KIF13A: variants seen among roughly 807,000 people sequenced by gnomAD.
KIF13A encodes kinesin family member 13A, also known as kinesin-like protein KIF13A.
KIF13A carries 79 observed loss-of-function variants against 212.2 expected under a neutral mutation model. The ratio of observed to expected loss-of-function variants is 0.37; its 90% confidence interval spans 0.31 to 0.45. The LOEUF is 0.45. KIF13A is among the 20% of genes least tolerant of loss of function. The probability of loss-of-function intolerance (pLI) is 1.00; values close to 1 mark genes in which losing one functional copy is unlikely to be tolerated. For missense variants in KIF13A, 1,901 were observed against 2,209.0 expected (o/e 0.86, Z 2.79); for synonymous variants, 789 against 808.6 (o/e 0.98, Z 0.41).
intron 2 of KIF13A, among the ~76,000 whole-genome samples, chr6:17,954,752 T>C (rs986900191): frequency 2.6e-5 from 4 of 152,158 alleles, no homozygotes; most frequent in African/African-American, 9.7e-5. Flanking sequence ...TAGCTCACTG[T>C]AGCCTCAAAC....
Position 17,825,761 on chromosome 6 carries a change from G to T in KIF13A, c.1786+7C>A. ...CAAGGCGCTGGAACACAGAGTGAGG[G>T]TCTTACCATTACTATTCAGGGTTTT... On this transcript the variant is annotated splice_region_variant and intron_variant, in intron 16 of 38. Coordinates refer to ENST00000259711, the MANE Select transcript of KIF13A (RefSeq NM_022113.6). The surrounding 1 kb of genome is among the most constrained non-coding windows in gnomAD (Gnocchi z 4.5). 6.2e-7 allele frequency: 1 copy of T among 1,612,486 alleles called. No individual in the cohort carries two copies. The highest frequency in any genetic ancestry group is 8.5e-7 in the Non-Finnish European group (1 of 1,179,220).
intron 9 of KIF13A, among the ~76,000 whole-genome samples, chr6:17,841,509 C>T (rs559526315): frequency 1.4e-4 from 21 of 152,226 alleles, no homozygotes; most frequent in South Asian, 4.1e-4. Flanking sequence ...GGCAAACAGA[C>T]GAAAAATATT....
intron 3 of KIF13A, among the ~76,000 whole-genome samples, chr6:17,889,902 T>C (rs992648206): frequency 6.6e-6 from 1 of 152,172 alleles, no homozygotes; most frequent in African/African-American, 2.4e-5. Flanking sequence ...TCTAGCACTT[T>C]GGGAGGCCGA....
intron 2 of KIF13A, among the ~76,000 whole-genome samples, chr6:17,979,825 G>C (rs1256978257): frequency 6.6e-6 from 1 of 150,868 alleles, no homozygotes; most frequent in East Asian, 1.9e-4. Context: ...TGTGATAGCA[G>C]AAACAAAAAA....
Position 17,794,788 on chromosome 6 carries a change from A to G in KIF13A, c.2943-84T>C. The G allele has an allele frequency of 7.1e-7, 1 of 1,411,184 alleles. No homozygotes were observed. Among genetic ancestry groups the G allele is most frequent in the Non-Finnish European group, 9.6e-7 (1 of 1,038,928 alleles). 87.4% of individuals were successfully genotyped at this position (1,411,184 alleles called of 1,614,324 possible). On this transcript the variant is annotated intron_variant, in intron 23 of 38. Coordinates refer to ENST00000259711, the MANE Select transcript of KIF13A (RefSeq NM_022113.6). The surrounding 1 kb of genome is among the most constrained non-coding windows in gnomAD (Gnocchi z 4.1). ...AGTAATAAGCCACCATTCACTGAGC[A>G]CTTACTATGTGCTAGGCACTGTGCC...
chr6:17,811,790 ATC>A lies in KIF13A; in HGVS notation c.2001-2862_2001-2861del, dbSNP rs1258260431. On this transcript the variant is annotated intron_variant, in intron 17 of 38. Transcript: ENST00000259711. This position sits in a 1 kb window ranked among gnomAD's most constrained non-coding sequence, Gnocchi z 6.0. ...TTGAATGACATTCCCAAAATATCTCATCTTTTTTTTTCTTCCTTCCTTCCTTC... is the reference window on the plus strand; with the variant it reads ...TTGAATGACATTCCCAAAATATCTCATTTTTTTTTCTTCCTTCCTTCCTTC... 6.6e-6 allele frequency among the ~76,000 whole-genome samples: 1 copy of A among 151,896 alleles called. No homozygotes were observed. The highest frequency in any genetic ancestry group is 1.5e-5 in the Non-Finnish European group (1 of 67,950).
intron 38 of KIF13A, among the ~76,000 whole-genome samples, chr6:17,765,254 C>T (rs189745983): frequency 2.0e-5 from 3 of 152,210 alleles, no homozygotes; most frequent in Non-Finnish European, 2.9e-5. Context: ...AACTGAAGTG[C>T]AGTGGACATT....
Position 17,816,225 on chromosome 6 carries a change from G to A in KIF13A, c.2000+795C>T, listed in dbSNP as rs1234285540. ...GAGCCACCGCACCTGGCCTGAGTCA[G>A]GTCAGGTTCTTCCTGTCACCCAGGC... On this transcript the variant is annotated intron_variant, in intron 17 of 38. Coordinates refer to ENST00000259711, the MANE Select transcript of KIF13A (RefSeq NM_022113.6). This position sits in a 1 kb window ranked among gnomAD's most constrained non-coding sequence, Gnocchi z 4.3. Among the ~76,000 whole-genome samples the A allele has an allele frequency of 2.0e-5, 3 of 148,152 alleles. No individual in the cohort carries two copies. Among genetic ancestry groups the A allele is most frequent in the Admixed American group, 2.0e-4 (3 of 14,922 alleles).
At chr6:17,977,981 G>A (rs959535684) in intron 2 of KIF13A, among the ~76,000 whole-genome samples, 2 of 152,186 alleles carry the variant, frequency 1.3e-5, no homozygotes, top group Non-Finnish European at 2.9e-5. Context: ...ATACGATTGC[G>A]CTTTGACATG....
At chr6:17,767,272 G>A (rs77606757) in intron 38 of KIF13A, among the ~76,000 whole-genome samples, 1 of 82,796 alleles carries the variant, frequency 1.2e-5, no homozygotes, top group East Asian at 3.8e-4. Flanking sequence ...TTTTTTTTTT[G>A]AGACGAAGTC....
intron 3 of KIF13A, among the ~76,000 whole-genome samples, chr6:17,889,030 G>T (rs1482817741): frequency 6.6e-6 from 1 of 152,088 alleles, no homozygotes; most frequent in Non-Finnish European, 1.5e-5. Flanking sequence ...CTACTGTACT[G>T]AATAGTACAG....
intron 38 of KIF13A, among the ~76,000 whole-genome samples, chr6:17,767,474 C>T (rs1421332633): frequency 1.3e-5 from 2 of 152,052 alleles, no homozygotes; most frequent in South Asian, 2.1e-4. Flanking sequence ...AGGCTGGTCT[C>T]GAACTCCTGA....
chr6:17,767,416 G>A (rs1446443296), intron 38 of KIF13A, among the ~76,000 whole-genome samples: 1 of 152,010 alleles, frequency 6.6e-6, no homozygotes, highest in Non-Finnish European at 1.5e-5. Flanking sequence ...CACCATGCCC[G>A]GCTAATTTTT....
rs1766129906 is a variant in KIF13A, at chr6:17,837,938, G to C, written c.831-355C>G. 6.6e-6 allele frequency among the ~76,000 whole-genome samples: 1 copy of C among 151,834 alleles called. No homozygotes were observed. Among genetic ancestry groups the C allele is most frequent in the Admixed American group, 6.6e-5 (1 of 15,240 alleles). ...ACTGCACTGCAGCCTGGGCGACAGA[G>C]TGAGACTCTTTCAAAAAAACAAAAA... On this transcript the variant is annotated intron_variant, in intron 9 of 38. Transcript: ENST00000259711. The surrounding 1 kb of genome is among the most constrained non-coding windows in gnomAD (Gnocchi z 5.4).
At chr6:17,788,184 C>T (rs1328073952) in intron 26 of KIF13A, among the ~76,000 whole-genome samples, 5 of 151,984 alleles carry the variant, frequency 3.3e-5, no homozygotes, top group South Asian at 2.1e-4. Flanking sequence ...ATATTTAAAT[C>T]GTAGCTATTC....
Position 17,926,741 on chromosome 6 carries a change from G to A in KIF13A, c.147-28561C>T, listed in dbSNP as rs1343358698. Among the ~76,000 whole-genome samples, 1 of 152,056 alleles carries A rather than the reference G, an allele frequency of 6.6e-6. No homozygotes were observed. Among genetic ancestry groups the A allele is most frequent in the Non-Finnish European group, 1.5e-5 (1 of 68,024 alleles). ...AGTGGAGAATGTTTAAGTATATTAG[G>A]ATATATTCAGATGATAAACAACTTG... is the stretch of plus-strand genomic sequence containing the variant. On this transcript the variant is annotated intron_variant, in intron 2 of 38. Transcript: ENST00000259711. The surrounding 1 kb of genome is among the most constrained non-coding windows in gnomAD (Gnocchi z 4.3).
In KIF13A at chr6:17,925,210, T is replaced by G. The variant is rs1775397075; in HGVS notation, c.147-27030A>C. Among the ~76,000 whole-genome samples the G allele has an allele frequency of 2.0e-5, 3 of 152,228 alleles. No individual in the cohort carries two copies. In the South Asian group the frequency reaches 6.2e-4, roughly 31 times the overall value. Reference sequence around the variant, plus strand: ...GAGACGAAGATGTTAGGAAATAGTCTTCTTTGGGATGTATTCTGAAGTTAG... The same window carrying G: ...GAGACGAAGATGTTAGGAAATAGTCGTCTTTGGGATGTATTCTGAAGTTAG... On this transcript the variant is annotated intron_variant, in intron 2 of 38. Transcript: ENST00000259711.
At chr6:17,807,802 G>T (rs1199896800) in intron 18 of KIF13A, among the ~76,000 whole-genome samples, 1 of 152,086 alleles carries the variant, frequency 6.6e-6, no homozygotes. Flanking sequence ...TGTCACCCCC[G>T]GCGGCCCAGC....
At position 17,951,151 on chromosome 6, in the gene KIF13A, A is replaced by C; in HGVS notation, c.146+35903T>G. The C allele has an allele frequency of 8.1e-7, 1 of 1,228,590 alleles. No individual in the cohort carries two copies. The highest frequency in any genetic ancestry group is 1.0e-6 in the Non-Finnish European group (1 of 984,760). The allele number at this position is 1,228,590 out of a possible 1,614,324, so 76.1% of individuals were successfully genotyped here. On this transcript the variant is annotated intron_variant, in intron 2 of 38. Transcript: ENST00000259711. This position sits in a 1 kb window ranked among gnomAD's most constrained non-coding sequence, Gnocchi z 4.9. ...GGTCTGATGCAATTCACCTCACGCC[A>C]CTTTAATTTTTTATTTTTTTGAAGA...
Sources: allele counts gnomAD v4.1 joint callset (sites outside exome capture counted in the v4.1 genomes callset), GRCh38; gene constraint gnomAD v4.1.1; non-coding constraint Gnocchi (gnomAD v3.1); transcripts MANE v1.5; gene names NCBI Gene and HGNC (gene_info 2026-07-23, HGNC 2026-07-21).